Variants in ZNF608 observed in about 807,000 individuals in gnomAD.
ZNF608 encodes the protein zinc finger protein 608.
A neutral mutation model predicts 109.0 loss-of-function variants in ZNF608; 12 were observed. The ratio of observed to expected loss-of-function variants is 0.11; its 90% confidence interval spans 0.07 to 0.18. The LOEUF (loss-of-function observed/expected upper bound fraction) is 0.18. ZNF608 is among the 10% of genes least tolerant of loss of function. ZNF608 has a pLI of 1.00. For synonymous variants in ZNF608, 732 were observed against 717.4 expected (o/e 1.02, Z -0.33); for missense variants, 1,707 against 1,879.3 (o/e 0.91, Z 1.70).
rs768045301 is a variant in ZNF608 at position 124,647,879 on chromosome 5, C to T, written c.2505G>A (p.Lys835=). Residue 835 remains lysine (K), a synonymous_variant, in exon 5 of 10, where the codon AAG becomes AAA. Transcript: ENST00000513986. ...CCTTGGAGTCCTCTAGTTTCCCCAG[C>T]TTGGCATCCATTTTTGGGCTTCCCG... ...KETGSPKMDA[K]LGKLEDSKGA... The T allele has an allele frequency of 6.2e-7, 1 of 1,614,234 alleles. No homozygotes were observed. Among genetic ancestry groups the T allele is most frequent in the South Asian group, 1.1e-5 (1 of 91,082 alleles).
rs1750585020 is a variant in ZNF608 at position 124,647,636 on chromosome 5, C to T, written c.2748G>A (p.Met916Ile). The T allele has an allele frequency of 3.7e-6, 6 of 1,614,218 alleles. No homozygotes were observed. The highest frequency in any genetic ancestry group is 5.1e-6 in the Non-Finnish European group (6 of 1,180,040). The change falls in exon 5 of 10, where the codon ATG becomes ATA. Residue 916 changes from methionine (M) to isoleucine (I), a missense_variant. Met to Ile is a conservative substitution (Grantham distance 10). Coordinates refer to ENST00000513986, the MANE Select transcript of ZNF608 (RefSeq NM_020747.3). ...TCTGGGTCAACACATGCAGAGGTGC[C>T]ATTGGTGCCTGCCCGTTCACCAAAG... ...CSTLVNGQAP[M>I]APLHVLTQNG...
At chr5:124,690,920 G>GAA (rs1362847701) in intron 3 of ZNF608, among the ~76,000 whole-genome samples, 97 of 71,050 alleles carry the variant, frequency 1.4e-3, no homozygotes, top group Middle Eastern at 0.012. Context: ...CAAAGCAACA[G>GAA]AAAAACACAC....
intron 3 of ZNF608, among the ~76,000 whole-genome samples, chr5:124,658,067 T>C (rs1307030350): frequency 6.6e-6 from 1 of 152,242 alleles, no homozygotes; most frequent in African/African-American, 2.4e-5. Flanking sequence ...GTTCCTCTAG[T>C]AGTTCCTGCT....
intron 2 of ZNF608, among the ~76,000 whole-genome samples, chr5:124,719,744 G>A (rs191887409): frequency 1.3e-5 from 2 of 152,146 alleles, no homozygotes; most frequent in African/African-American, 2.4e-5. Flanking sequence ...AGAAGCAAAG[G>A]TTTCTGCGTT....
intron 3 of ZNF608, among the ~76,000 whole-genome samples, chr5:124,657,444 G>A (rs573852781): frequency 2.6e-5 from 4 of 152,180 alleles, no homozygotes; most frequent in East Asian, 1.9e-4. Flanking sequence ...GGTGGCTCAC[G>A]AGGTCAGGAG....
intron 3 of ZNF608, among the ~76,000 whole-genome samples, chr5:124,679,535 A>G (rs1752105110): frequency 6.6e-6 from 1 of 152,030 alleles, no homozygotes; most frequent in Non-Finnish European, 1.5e-5. Flanking sequence ...ACATACATGG[A>G]CAAGAGAGAG....
chr5:124,748,739 A>G, upstream of ZNF608: 1 of 182,164 alleles, frequency 5.5e-6, no homozygotes, highest in Non-Finnish European at 1.0e-5. Flanking sequence ...CCCCTGGTGC[A>G]CACACACAAC....
intron 3 of ZNF608, among the ~76,000 whole-genome samples, chr5:124,658,233 G>T (rs1184843864): frequency 6.6e-6 from 1 of 152,122 alleles, no homozygotes; most frequent in South Asian, 2.1e-4. Context: ...GCCACCCCCT[G>T]TACCCCAAAA....
intron 3 of ZNF608, among the ~76,000 whole-genome samples, chr5:124,669,919 G>A (rs1232061708): frequency 1.3e-5 from 2 of 152,184 alleles, no homozygotes; most frequent in East Asian, 3.8e-4. Context: ...AGTTTTCCCA[G>A]GAAAGAAATG....
chr5:124,698,745 G>A (rs2149846757), intron 3 of ZNF608, among the ~76,000 whole-genome samples: 1 of 152,292 alleles, frequency 6.6e-6, no homozygotes, highest in Admixed American at 6.5e-5. Context: ...ACCAACTTAT[G>A]TACTGCTATA....
intron 3 of ZNF608, among the ~76,000 whole-genome samples, chr5:124,684,393 G>C (rs1752320756): frequency 6.6e-6 from 1 of 152,116 alleles, no homozygotes; most frequent in Non-Finnish European, 1.5e-5. Flanking sequence ...ACAGCCAGAG[G>C]GTACGAAAAG....
rs1049501403 is a variant in ZNF608 at position 124,746,481 on chromosome 5, T to C, written c.-470A>G. ...AACAGAAGCACCAAAGGTTTTTTTT[T>C]CCTCTTAACAAGCATCGAGAATAAT... On this transcript the variant is annotated 5_prime_UTR_variant, in exon 1 of 10. Transcript: ENST00000513986. The C allele has an allele frequency of 2.9e-5, 29 of 985,254 alleles. No homozygotes were observed. In the African/African-American group the frequency reaches 4.2e-4, roughly 14 times the overall value. 61.0% of individuals were successfully genotyped at this position (985,254 alleles called of 1,614,324 possible).
At chr5:124,677,383 TCTC>T (rs1286513608) in intron 3 of ZNF608, among the ~76,000 whole-genome samples, 2 of 152,156 alleles carry the variant, frequency 1.3e-5, no homozygotes, top group Admixed American at 6.5e-5. Context: ...ACTCTCCTCT[TCTC>T]CTCTTCAACT....
intron 2 of ZNF608, among the ~76,000 whole-genome samples, chr5:124,714,141 A>AG (rs147648782): frequency 0.051 from 7,733 of 152,288 alleles, 266 homozygotes; most frequent in Non-Finnish European, 0.072. Flanking sequence ...TTTAAAAAAA[A>AG]CAACATTGTC....
chr5:124,649,645 T>G lies in ZNF608; in HGVS notation c.1215A>C (p.Leu405=). The G allele has an allele frequency of 6.2e-7, 1 of 1,611,208 alleles. No homozygotes were observed. The highest frequency in any genetic ancestry group is 1.3e-5 in the African/African-American group (1 of 74,986). ...TWRNKTYVGT[L]LDCTKHDWAP... ...CCCAGTCGTGCTTGGTGCAGTCCAG[T>G]AGGGTTCCCACGTACGTTTTGTTCC... is the stretch of plus-strand genomic sequence containing the variant. The change falls in exon 4 of 10, where the codon CTA becomes CTC. Residue 405 remains leucine (L), a synonymous_variant. Transcript: ENST00000513986.
At chr5:124,639,253 A>G (rs1454432243) in intron 8 of ZNF608, 39 bp from the exon 9 acceptor site, 1 of 1,596,314 alleles carries the variant, frequency 6.3e-7, no homozygotes, top group Admixed American at 1.7e-5. Context: ...TGATCTTTAG[A>G]AGGATAAGAG....
At chr5:124,649,768 T>A in intron 3 of ZNF608, 71 bp from the exon 4 acceptor site, 1 of 943,138 alleles carries the variant, frequency 1.1e-6, no homozygotes, top group Non-Finnish European at 1.5e-6. Flanking sequence ...TCACTTATTA[T>A]TTTTTTCTCT....
At chr5:124,716,913 T>C (rs1753726463) in intron 2 of ZNF608, among the ~76,000 whole-genome samples, 1 of 151,048 alleles carries the variant, frequency 6.6e-6, no homozygotes, top group African/African-American at 2.4e-5. Context: ...AGAAACCCCG[T>C]CTCTACAAAA....
Position 124,641,232 on chromosome 5 carries a change from G to T in ZNF608, c.4450+20C>A. On this transcript the variant is annotated intron_variant, in intron 8 of 9. Transcript: ENST00000513986. ...CCAAAGCAGAATGGACAAAGACACAGTAATGATAGAGCTGCTGACCTTGAA... is the reference window on the plus strand; with the variant it reads ...CCAAAGCAGAATGGACAAAGACACATTAATGATAGAGCTGCTGACCTTGAA... 2 of 1,613,248 alleles carry T rather than the reference G, an allele frequency of 1.2e-6. No individual in the cohort carries two copies. Among genetic ancestry groups the T allele is most frequent in the Non-Finnish European group, 1.7e-6 (2 of 1,180,010 alleles).
Sources: allele counts gnomAD v4.1 joint callset (sites outside exome capture counted in the v4.1 genomes callset), GRCh38; gene constraint gnomAD v4.1.1; transcripts MANE v1.5; gene names NCBI Gene and HGNC (gene_info 2026-07-23, HGNC 2026-07-21).